The following WDR7 variants were observed in gnomAD, a reference collection of about 807,000 sequenced individuals.
WDR7 encodes the protein WD repeat-containing protein 7.
A neutral mutation model predicts 169.4 loss-of-function variants in WDR7; 46 were observed. That is an observed-to-expected ratio of 0.27 (90% CI 0.21 to 0.35). The LOEUF (loss-of-function observed/expected upper bound fraction) is 0.35, where lower values mean the gene tolerates loss of function less well. Ranked by LOEUF, WDR7 falls within the 10% of genes least tolerant of loss-of-function variation. The probability of loss-of-function intolerance (pLI) is 1.00; values close to 1 mark genes in which losing one functional copy is unlikely to be tolerated. For synonymous variants in WDR7, 612 were observed against 666.8 expected (o/e 0.92, Z 1.27); for missense variants, 1,534 against 1,859.3 (o/e 0.83, Z 3.22).
intron 26 of WDR7, among the ~76,000 whole-genome samples, chr18:57,008,693 A>C (rs913606180): frequency 2.6e-5 from 4 of 152,162 alleles, no homozygotes; most frequent in African/African-American, 9.7e-5. Flanking sequence ...GACAGAAACT[A>C]CTGTCTCCTC....
chr18:56,742,222 A>G (rs370560377), intron 14 of WDR7, among the ~76,000 whole-genome samples: 2 of 152,348 alleles, frequency 1.3e-5, no homozygotes, highest in African/African-American at 2.4e-5. Flanking sequence ...ACTATCTCAC[A>G]TCATAAATCA....
At chr18:56,739,874 T>TG (rs1434640796) in intron 14 of WDR7, among the ~76,000 whole-genome samples, 1 of 118,798 alleles carries the variant, frequency 8.4e-6, no homozygotes, top group Non-Finnish European at 2.0e-5. Context: ...TACCTAGATG[T>TG]GATTTTTTTT....
intron 20 of WDR7, among the ~76,000 whole-genome samples, chr18:56,817,466 T>G (rs2044998059): frequency 6.6e-6 from 1 of 152,158 alleles, no homozygotes; most frequent in African/African-American, 2.4e-5. Flanking sequence ...AGATCTCCCT[T>G]GAAAATTTAC....
intron 20 of WDR7, among the ~76,000 whole-genome samples, chr18:56,854,577 G>T (rs1401128537): frequency 1.3e-5 from 2 of 152,172 alleles, no homozygotes; most frequent in African/African-American, 4.8e-5. Context: ...AATGTGATTG[G>T]ACAGAAAAGG....
intron 20 of WDR7, among the ~76,000 whole-genome samples, chr18:56,852,807 AAAT>A (rs1323080455): frequency 6.6e-6 from 1 of 152,178 alleles, no homozygotes; most frequent in African/African-American, 2.4e-5. Flanking sequence ...CATTCATTTG[AAAT>A]AAAAATATAT....
intron 25 of WDR7, among the ~76,000 whole-genome samples, chr18:56,950,163 A>AAGACAACCATGAGATTTCAT (rs2047161226): frequency 6.6e-6 from 1 of 152,260 alleles, no homozygotes; most frequent in Non-Finnish European, 1.5e-5. Flanking sequence ...AGATTTCAGT[A>AAGACAACCATGAGATTTCAT]TACAGAAGTG....
intron 26 of WDR7, among the ~76,000 whole-genome samples, chr18:57,003,467 C>G (rs1422436335): frequency 1.3e-5 from 2 of 151,942 alleles, no homozygotes; most frequent in African/African-American, 2.4e-5. Context: ...TCTAATTACT[C>G]AGAGAGAGTG....
chr18:56,897,918 C>T (rs181200169), intron 21 of WDR7, among the ~76,000 whole-genome samples: 123 of 151,844 alleles, frequency 8.1e-4, no homozygotes, highest in African/African-American at 2.8e-3. Context: ...GGTGTGGAGA[C>T]GTATATTTCC....
intron 25 of WDR7, among the ~76,000 whole-genome samples, chr18:56,959,013 A>G (rs191275046): frequency 6.4e-4 from 98 of 152,286 alleles, no homozygotes; most frequent in African/African-American, 2.2e-3. Flanking sequence ...TGGACATAAT[A>G]AAGAAAAAGT....
At chr18:56,942,994 A>G (rs1373343059) in intron 25 of WDR7, among the ~76,000 whole-genome samples, 2 of 152,226 alleles carry the variant, frequency 1.3e-5, no homozygotes, top group Non-Finnish European at 1.5e-5. Flanking sequence ...AGCTTATGCT[A>G]AATGTGAGCT....
At chr18:56,915,627 G>A (rs1020790818) in intron 21 of WDR7, among the ~76,000 whole-genome samples, 8 of 152,092 alleles carry the variant, frequency 5.3e-5, no homozygotes, top group African/African-American at 1.7e-4. Flanking sequence ...ACTAGCCTAG[G>A]GGGGACCAAA....
chr18:56,689,414 C>G (rs2025517034), intron 7 of WDR7, among the ~76,000 whole-genome samples: 1 of 152,134 alleles, frequency 6.6e-6, no homozygotes, highest in African/African-American at 2.4e-5. Context: ...GCATGGACCA[C>G]CACGCCTGAC....
chr18:56,907,818 G>C (rs1251554409), intron 21 of WDR7, among the ~76,000 whole-genome samples: 2 of 152,118 alleles, frequency 1.3e-5, no homozygotes, highest in African/African-American at 4.8e-5. Flanking sequence ...CTTTTGTAAA[G>C]GCACTAATCT....
At chr18:56,714,882 C>CT (rs139519968) in intron 12 of WDR7, among the ~76,000 whole-genome samples, 9 of 151,780 alleles carry the variant, frequency 5.9e-5, no homozygotes, top group South Asian at 2.1e-4. Flanking sequence ...TGTTAAAGCT[C>CT]TTTTTTTTAA....
chr18:56,724,616 A>G (rs1459527076), intron 13 of WDR7, among the ~76,000 whole-genome samples: 1 of 151,162 alleles, frequency 6.6e-6, no homozygotes, highest in African/African-American at 2.4e-5. Flanking sequence ...TTGTTGTGGG[A>G]CACAGTTAAA....
intron 1 of WDR7, among the ~76,000 whole-genome samples, chr18:56,654,233 G>A (rs1267918925): frequency 6.6e-6 from 1 of 152,046 alleles, no homozygotes; most frequent in Non-Finnish European, 1.5e-5. Context: ...CCAGGTTCAA[G>A]CGATTCTCCT....
intron 22 of WDR7, among the ~76,000 whole-genome samples, chr18:56,928,643 A>C (rs1158691562): frequency 6.6e-6 from 1 of 152,134 alleles, no homozygotes; most frequent in African/African-American, 2.4e-5. Context: ...GTGGCCTGGG[A>C]TGCAGTCCTT....
chr18:56,741,297 A>C (rs2043617817), intron 14 of WDR7, among the ~76,000 whole-genome samples: 1 of 152,150 alleles, frequency 6.6e-6, no homozygotes, highest in Non-Finnish European at 1.5e-5. Flanking sequence ...TCTATATTAC[A>C]AATCCTAAAT....
At position 56,696,239 on chromosome 18, in the gene WDR7, C is replaced by T. The variant is rs1268052204; in HGVS notation, c.1358-3C>T. The T allele has an allele frequency of 6.3e-7, 1 of 1,596,132 alleles. No homozygotes were observed. Among genetic ancestry groups the T allele is most frequent in the East Asian group, 2.2e-5 (1 of 44,532 alleles). The stretch of plus-strand genomic sequence containing the variant: ...CATTTTAAATCCAAACCCTCATTCA[C>T]AGGTTGGCCACCTCACAGAACACTC... On this transcript the variant is annotated splice_region_variant and splice_polypyrimidine_tract_variant and intron_variant, in intron 11 of 27. Coordinates refer to ENST00000254442, the MANE Select transcript of WDR7 (RefSeq NM_015285.3).
Sources: allele counts gnomAD v4.1 joint callset (sites outside exome capture counted in the v4.1 genomes callset), GRCh38; gene constraint gnomAD v4.1.1; transcripts MANE v1.5; gene names NCBI Gene and HGNC (gene_info 2026-07-23, HGNC 2026-07-21).